Variants in PIGU observed in about 807,000 individuals in gnomAD.
The protein encoded by PIGU is GPI-anchor transamidase component PIGU.
A neutral mutation model predicts 49.9 loss-of-function variants in PIGU; 24 were observed. The observed-to-expected ratio is 0.48, with a 90% CI of 0.35 to 0.68. PIGU has a LOEUF of 0.68. Among genes scored for constraint, PIGU ranks in the 30% least tolerant of loss-of-function variants. PIGU has a pLI of 0.01. For synonymous variants in PIGU, 220 were observed against 205.7 expected, an observed-to-expected ratio of 1.07 and a Z score of -0.59; for missense variants, 490 against 532.6, an observed-to-expected ratio of 0.92 and a Z score of 0.79.
chr20:34,639,274 A>G (rs112945738), intron 4 of PIGU, among the ~76,000 whole-genome samples: 2 of 151,972 alleles, frequency 1.3e-5, no homozygotes, highest in African/African-American at 4.8e-5. Context: ...GGTGGCGGGC[A>G]CCTGTAGTCC....
At chr20:34,636,028 TA>T (rs71299222) in intron 5 of PIGU, among the ~76,000 whole-genome samples, 2 of 147,366 alleles carry the variant, frequency 1.4e-5, no homozygotes, top group African/African-American at 2.5e-5. Flanking sequence ...CTGTCTCTAC[TA>T]AAAAAAAAAC....
At chr20:34,612,829 G>A (rs1289894619) in intron 7 of PIGU, among the ~76,000 whole-genome samples, 1 of 151,714 alleles carries the variant, frequency 6.6e-6, no homozygotes, top group Non-Finnish European at 1.5e-5. Context: ...CGTCATGTTG[G>A]CCAGGCTGGT....
chr20:34,572,680 C>A (rs1409284850), intron 11 of PIGU, among the ~76,000 whole-genome samples: 1 of 151,968 alleles, frequency 6.6e-6, no homozygotes, highest in Non-Finnish European at 1.5e-5. Flanking sequence ...AATAAAGTGC[C>A]AAAATAACCA....
chr20:34,651,560 T>C (rs1216385246), intron 2 of PIGU, among the ~76,000 whole-genome samples: 1 of 152,182 alleles, frequency 6.6e-6, no homozygotes, highest in Non-Finnish European at 1.5e-5. Flanking sequence ...CATCCTGCTT[T>C]TCTAGTTGTT....
chr20:34,633,194 T>C (rs1045958718), intron 6 of PIGU, among the ~76,000 whole-genome samples: 5 of 152,174 alleles, frequency 3.3e-5, no homozygotes, highest in Non-Finnish European at 5.9e-5. Flanking sequence ...CCAGGTGTGG[T>C]GGTTCATGCT....
chr20:34,643,322 A>AT (rs765126637), intron 4 of PIGU, among the ~76,000 whole-genome samples: 1 of 152,170 alleles, frequency 6.6e-6, no homozygotes, highest in Non-Finnish European at 1.5e-5. Context: ...CAGTCTAGAT[A>AT]TTTTTTAAAA....
At chr20:34,662,332 C>CA (rs1429049676) in intron 1 of PIGU, among the ~76,000 whole-genome samples, 8 of 151,888 alleles carry the variant, frequency 5.3e-5, no homozygotes, top group Admixed American at 5.3e-4. Flanking sequence ...CTCAGCCTCC[C>CA]AAAGTGCTGG....
At chr20:34,561,007 C>T (rs1047159895) in intron 11 of PIGU, 28 bp from the exon 12 acceptor site, 2 of 1,496,226 alleles carry the variant, frequency 1.3e-6, no homozygotes, top group African/African-American at 1.4e-5. Context: ...GTGTGAGGCG[C>T]TGCTGGGTAC....
intron 5 of PIGU, among the ~76,000 whole-genome samples, chr20:34,637,672 GA>G (rs1454646567): frequency 6.6e-6 from 1 of 152,176 alleles, no homozygotes; most frequent in Non-Finnish European, 1.5e-5. Flanking sequence ...AGCCCTGTGT[GA>G]GTCTTTGTCC....
At chr20:34,618,284 C>A (rs897438881) in intron 6 of PIGU, among the ~76,000 whole-genome samples, 2 of 152,040 alleles carry the variant, frequency 1.3e-5, no homozygotes, top group African/African-American at 4.8e-5. Flanking sequence ...ATAGCTATTC[C>A]CTTTCAGATG....
At chr20:34,595,095 CAAAA>C (rs71194627) in intron 7 of PIGU, among the ~76,000 whole-genome samples, 1 of 71,340 alleles carries the variant, frequency 1.4e-5, no homozygotes, top group East Asian at 4.4e-4. Context: ...GACTCCGTCT[CAAAA>C]AAAAAAAAAA....
intron 1 of PIGU, 133 bp downstream of exon 1, chr20:34,676,823 C>G: frequency 1.8e-6 from 2 of 1,133,220 alleles, no homozygotes; most frequent in Admixed American, 2.2e-5. Flanking sequence ...CCCGCCCTCT[C>G]CAAGAACCCC....
At chr20:34,620,279 C>A (rs1441766524) in intron 6 of PIGU, among the ~76,000 whole-genome samples, 1 of 152,166 alleles carries the variant, frequency 6.6e-6, no homozygotes, top group Non-Finnish European at 1.5e-5. Flanking sequence ...TGGACTATTC[C>A]CAATTTCTGA....
chr20:34,640,486 CAT>C (rs1224867764), intron 4 of PIGU, among the ~76,000 whole-genome samples: 4 of 126,814 alleles, frequency 3.2e-5, no homozygotes, highest in Non-Finnish European at 4.9e-5. Context: ...ATTATACACA[CAT>C]GTGCGCACGC....
intron 1 of PIGU, among the ~76,000 whole-genome samples, chr20:34,661,379 G>C (rs558009760): frequency 1.1e-3 from 161 of 152,152 alleles, no homozygotes; most frequent in Non-Finnish European, 1.9e-3. Context: ...CCACCCTCAA[G>C]TAGGCCCAGG....
chr20:34,661,672 A>C (rs1280790409), intron 1 of PIGU, among the ~76,000 whole-genome samples: 1 of 152,228 alleles, frequency 6.6e-6, no homozygotes, highest in Non-Finnish European at 1.5e-5. Flanking sequence ...TGCTGTGATG[A>C]ACATACACAT....
intron 2 of PIGU, among the ~76,000 whole-genome samples, chr20:34,646,043 T>G (rs762617571): frequency 1.2e-4 from 18 of 152,282 alleles, no homozygotes; most frequent in African/African-American, 2.2e-4. Flanking sequence ...AAAATGAGCT[T>G]CTTCTGTTCT....
Position 34,562,320 on chromosome 20 carries a change from G to A in PIGU, c.1195-1341C>T, listed in dbSNP as rs541843079. On this transcript the variant is annotated intron_variant, in intron 11 of 11. Transcript: ENST00000217446. ...TCAGAGGATTGGCACCAACCACCTG[G>A]CACAGATGGGGAGACTGAGGCACAG... The A allele has an allele frequency of 1.0e-5, 8 of 780,558 alleles. No homozygotes were observed. The South Asian group carries it at 4.1e-4, about 40-fold the overall frequency. The allele number at this position is 780,558 out of a possible 1,614,324, so 48.4% of individuals were successfully genotyped here. A position where few individuals can be genotyped will look rare whatever the true frequency, so the allele number is the denominator to read the frequency against.
At chr20:34,596,826 T>C (rs1056275056) in intron 7 of PIGU, among the ~76,000 whole-genome samples, 2 of 152,236 alleles carry the variant, frequency 1.3e-5, no homozygotes, top group Admixed American at 6.5e-5. Flanking sequence ...GGCTGATTTA[T>C]CAATTTCTTC....
Sources: allele counts gnomAD v4.1 joint callset (sites outside exome capture counted in the v4.1 genomes callset), GRCh38; gene constraint gnomAD v4.1.1; transcripts MANE v1.5; gene names NCBI Gene and HGNC (gene_info 2026-07-23, HGNC 2026-07-21).